Variants in TTLL5 observed in about 807,000 individuals in gnomAD.
TTLL5 encodes tubulin tyrosine ligase like 5.
TTLL5 carries 132 observed loss-of-function variants against 168.4 expected under a neutral mutation model. That is an observed-to-expected ratio of 0.78 (90% CI 0.68 to 0.91). The LOEUF (loss-of-function observed/expected upper bound fraction) is 0.91. Among genes scored for constraint, TTLL5 ranks in the 40% least tolerant of loss-of-function variants. The probability of loss-of-function intolerance (pLI) is 0.00; values close to 1 mark genes in which losing one functional copy is unlikely to be tolerated. For missense variants in TTLL5, 1,545 were observed against 1,581.5 expected (o/e 0.98, Z 0.39); for synonymous variants, 546 against 558.6 (o/e 0.98, Z 0.32).
intron 3 of TTLL5, among the ~76,000 whole-genome samples, chr14:75,675,364 G>A (rs894781380): frequency 3.9e-5 from 6 of 152,208 alleles, no homozygotes; most frequent in East Asian, 1.9e-4. Flanking sequence ...CCTTTAAGGC[G>A]TTTCATTGCT....
intron 6 of TTLL5, among the ~76,000 whole-genome samples, chr14:75,691,697 A>G (rs973886083): frequency 1.3e-5 from 2 of 152,234 alleles, no homozygotes; most frequent in African/African-American, 2.4e-5. Flanking sequence ...ACATCAGGTG[A>G]GACACACAGA....
chr14:75,870,065 C>A (rs1009788805), intron 29 of TTLL5, among the ~76,000 whole-genome samples: 1 of 151,908 alleles, frequency 6.6e-6, no homozygotes. Context: ...GTGATCCACC[C>A]ACCTTCGCCT....
intron 12 of TTLL5, among the ~76,000 whole-genome samples, chr14:75,731,460 T>C (rs1888540993): frequency 6.7e-6 from 1 of 150,292 alleles, no homozygotes; most frequent in Non-Finnish European, 1.5e-5. Flanking sequence ...AGAGGAAGTC[T>C]CAGTAATAAT....
intron 28 of TTLL5, among the ~76,000 whole-genome samples, chr14:75,842,926 A>G (rs1479299358): frequency 6.6e-6 from 1 of 152,192 alleles, no homozygotes; most frequent in Non-Finnish European, 1.5e-5. Context: ...CACTTTGAAG[A>G]AATCCTGGTA....
In TTLL5 at chr14:75,767,644, GT is replaced by G. The variant is rs143024578; in HGVS notation, c.2015+1278del. On this transcript the variant is annotated intron_variant, in intron 20 of 31. Coordinates refer to ENST00000298832, the MANE Select transcript of TTLL5 (RefSeq NM_015072.5). Reference sequence around the variant, plus strand: ...AAATGAGACTAAAAAATTGGATGTTGTTAGATTGTGAAGGGCCGTAAGAGGA... The same window carrying G: ...AAATGAGACTAAAAAATTGGATGTTGTAGATTGTGAAGGGCCGTAAGAGGA... 2.1e-3 allele frequency among the ~76,000 whole-genome samples: 318 copies of G among 152,302 alleles called. 2 individuals are homozygous for G. Among genetic ancestry groups the G allele is most frequent in the African/African-American group, 7.0e-3 (292 of 41,562 alleles).
chr14:75,813,357 A>G (rs1894185700), intron 27 of TTLL5, among the ~76,000 whole-genome samples: 1 of 151,074 alleles, frequency 6.6e-6, no homozygotes, highest in African/African-American at 2.4e-5. Context: ...GCTGGAGTGC[A>G]GTGGTGTGAT....
chr14:75,905,472 A>T (rs2033104684), intron 31 of TTLL5, among the ~76,000 whole-genome samples: 1 of 152,306 alleles, frequency 6.6e-6, no homozygotes, highest in Admixed American at 6.5e-5. Flanking sequence ...ATTAAATGAG[A>T]TAGTGAATTG....
chr14:75,786,829 G>A (rs1306947729), intron 26 of TTLL5, among the ~76,000 whole-genome samples: 1 of 151,964 alleles, frequency 6.6e-6, no homozygotes, highest in African/African-American at 2.4e-5. Context: ...AAGATAAATA[G>A]AAATTTAAAA....
At chr14:75,715,315 C>G (rs1887365684) in intron 9 of TTLL5, among the ~76,000 whole-genome samples, 1 of 149,240 alleles carries the variant, frequency 6.7e-6, no homozygotes, top group Admixed American at 6.7e-5. Flanking sequence ...CATGTGGGCC[C>G]TGGCTACCCC....
In TTLL5 at chr14:75,834,303, G is replaced by T. The variant is rs572823257; in HGVS notation, c.3326+14142G>T. Among the ~76,000 whole-genome samples, 195 of 152,282 alleles carry T rather than the reference G, an allele frequency of 1.3e-3. 1 individual carries two copies. The highest frequency in any genetic ancestry group is 4.5e-3 in the African/African-American group (187 of 41,544). On this transcript the variant is annotated intron_variant, in intron 28 of 31. Transcript: ENST00000298832. ...TGTGGGAGCATCACATTCAAGTAGG[G>T]GAGTATGTGGTTGAGGATAAAGTGG...
chr14:75,661,654 T>G (rs1390174609), intron 1 of TTLL5: 1 of 152,330 alleles, frequency 6.6e-6, no homozygotes, highest in South Asian at 2.1e-4. Flanking sequence ...ATCTCTACTC[T>G]TCTTCCGATA....
At chr14:75,913,541 A>C (rs1010998299) in intron 31 of TTLL5, among the ~76,000 whole-genome samples, 1 of 152,210 alleles carries the variant, frequency 6.6e-6, no homozygotes, top group Non-Finnish European at 1.5e-5. Context: ...CCCAGCCTGT[A>C]GTAGGGGCTT....
At chr14:75,770,724 G>A (rs112040425) in intron 20 of TTLL5, among the ~76,000 whole-genome samples, 6 of 152,278 alleles carry the variant, frequency 3.9e-5, no homozygotes, top group African/African-American at 7.2e-5. Context: ...AAATAGCTGC[G>A]TTCTTTAATG....
chr14:75,845,016 C>G (rs1035601830), intron 28 of TTLL5, among the ~76,000 whole-genome samples: 1 of 152,150 alleles, frequency 6.6e-6, no homozygotes, highest in Non-Finnish European at 1.5e-5. Context: ...CATAGTATTC[C>G]TAATGCCCGG....
chr14:75,693,975 C>T (rs1235941045), intron 6 of TTLL5, among the ~76,000 whole-genome samples: 1 of 152,124 alleles, frequency 6.6e-6, no homozygotes, highest in Admixed American at 6.6e-5. Context: ...AGCAAATTAC[C>T]TCTAGAGTCA....
chr14:75,867,438 G>A (rs1180345353), intron 29 of TTLL5, among the ~76,000 whole-genome samples: 1 of 152,108 alleles, frequency 6.6e-6, no homozygotes, highest in Non-Finnish European at 1.5e-5. Context: ...GCACTATTCA[G>A]GGTTCTCTAT....
intron 27 of TTLL5, among the ~76,000 whole-genome samples, chr14:75,798,166 T>A (rs980981847): frequency 6.6e-6 from 1 of 152,120 alleles, no homozygotes; most frequent in Non-Finnish European, 1.5e-5. Context: ...CCTGGTTTAA[T>A]CTAGAAGGGT....
At chr14:75,850,276 C>A (rs1276585266) in intron 28 of TTLL5, among the ~76,000 whole-genome samples, 2 of 151,602 alleles carry the variant, frequency 1.3e-5, no homozygotes, top group African/African-American at 4.8e-5. Context: ...CATGGTGGCA[C>A]ATGCCTGTAA....
chr14:75,674,943 T>C (rs918153251), intron 3 of TTLL5, among the ~76,000 whole-genome samples: 1 of 152,086 alleles, frequency 6.6e-6, no homozygotes, highest in Non-Finnish European at 1.5e-5. Context: ...ATTTTATATC[T>C]AGTATATATT....
Sources: gnomAD v4.1 joint callset for allele counts (sites outside exome capture counted in the v4.1 genomes callset) on GRCh38, gnomAD v4.1.1 for gene constraint, MANE v1.5 for transcripts, NCBI Gene and HGNC (gene_info 2026-07-23, HGNC 2026-07-21) for gene names.